The following AP3B1 variants were observed in gnomAD, a reference collection of about 807,000 sequenced individuals.
The protein encoded by AP3B1 is adaptor related protein complex 3 subunit beta 1.
AP3B1 carries 61 observed loss-of-function variants against 132.5 expected under a neutral mutation model. The ratio of observed to expected loss-of-function variants is 0.46; its 90% CI spans 0.37 to 0.57. The LOEUF is 0.57. Ranked by LOEUF, AP3B1 falls within the 20% of genes least tolerant of loss-of-function variation. AP3B1 has a pLI of 0.00. For missense variants in AP3B1, 1,120 were observed against 1,289.4 expected (o/e 0.87, Z 2.01); for synonymous variants, 388 against 438.3 (o/e 0.89, Z 1.43).
At chr5:78,259,567 G>A (rs572883800) in intron 2 of AP3B1, among the ~76,000 whole-genome samples, 1 of 152,188 alleles carries the variant, frequency 6.6e-6, no homozygotes, top group South Asian at 2.1e-4. Context: ...TAAGGAGATG[G>A]ATATCCCATT....
intron 2 of AP3B1, among the ~76,000 whole-genome samples, chr5:78,259,220 A>C (rs1747977332): frequency 6.6e-6 from 1 of 151,088 alleles, no homozygotes; most frequent in African/African-American, 2.4e-5. Context: ...TGCACTCCAG[A>C]CTGGTGACAG....
intron 3 of AP3B1, among the ~76,000 whole-genome samples, chr5:78,229,837 A>C (rs1179137800): frequency 6.6e-6 from 1 of 152,192 alleles, no homozygotes; most frequent in Non-Finnish European, 1.5e-5. Context: ...TTGGTGCTGG[A>C]AATATAAAAA....
intron 7 of AP3B1, among the ~76,000 whole-genome samples, chr5:78,197,095 T>C (rs1226927434): frequency 6.6e-6 from 1 of 152,190 alleles, no homozygotes; most frequent in East Asian, 1.9e-4. Context: ...ATGTTTTGCA[T>C]GTGTGGAGGT....
intron 23 of AP3B1, among the ~76,000 whole-genome samples, chr5:78,035,431 C>T (rs1747769054): frequency 6.6e-6 from 1 of 152,038 alleles, no homozygotes; most frequent in Non-Finnish European, 1.5e-5. Flanking sequence ...AAGCACACTT[C>T]TAATTCAATA....
rs74372041 is a variant in AP3B1 at position 78,188,597 on chromosome 5, G to A, written c.787-6935C>T. Among the ~76,000 whole-genome samples, 50 of 152,220 alleles carry A rather than the reference G, an allele frequency of 3.3e-4. No homozygotes were observed. In the East Asian group the frequency reaches 4.4e-3, roughly 14 times the overall value. ...AAAAAACAGACGCTGGCCAGGCTGC[G>A]GAGAAATAGGAATGCTTTTACACTG... On this transcript the variant is annotated intron_variant, in intron 7 of 26. Transcript: ENST00000255194.
At chr5:78,119,249 G>A (rs1752031167) in intron 17 of AP3B1, among the ~76,000 whole-genome samples, 1 of 152,138 alleles carries the variant, frequency 6.6e-6, no homozygotes, top group African/African-American at 2.4e-5. Context: ...AAAAAACAGA[G>A]CAGAGAAACT....
chr5:78,140,778 T>C (rs1024706119), intron 15 of AP3B1, among the ~76,000 whole-genome samples: 1 of 152,242 alleles, frequency 6.6e-6, no homozygotes, highest in Non-Finnish European at 1.5e-5. Context: ...ACTCTGACCC[T>C]GTGCTTTCCT....
chr5:78,041,049 T>C (rs1351751132), intron 22 of AP3B1, among the ~76,000 whole-genome samples: 3 of 151,498 alleles, frequency 2.0e-5, no homozygotes, highest in Non-Finnish European at 2.9e-5. Flanking sequence ...CCGAGGTGGG[T>C]GGATCACCTG....
chr5:78,128,661 C>T lies in AP3B1; in HGVS notation c.1837+460G>A, dbSNP rs375928905. Among the ~76,000 whole-genome samples, 100 of 152,124 alleles carry T rather than the reference C, an allele frequency of 6.6e-4. No homozygotes were observed. The East Asian group carries it at 7.7e-3, about 12-fold the overall frequency. ...TTACTCCTTTTAAAAAGCTGGGACA[C>T]GTAAGTCAACTTCCCTCTTTGAAAA... On this transcript the variant is annotated intron_variant, in intron 16 of 26. Transcript: ENST00000255194.
intron 11 of AP3B1, among the ~76,000 whole-genome samples, chr5:78,169,020 A>G (rs1221600929): frequency 6.6e-6 from 1 of 152,178 alleles, no homozygotes; most frequent in Non-Finnish European, 1.5e-5. Context: ...ACAGTCTTGA[A>G]TAGTCCATAG....
At chr5:78,111,676 G>C (rs1021498729) in intron 19 of AP3B1, among the ~76,000 whole-genome samples, 1 of 152,114 alleles carries the variant, frequency 6.6e-6, no homozygotes, top group Non-Finnish European at 1.5e-5. Context: ...TCTCTCAGGG[G>C]ATGACAAATG....
intron 3 of AP3B1, among the ~76,000 whole-genome samples, chr5:78,231,508 G>A (rs1207132404): frequency 6.6e-6 from 1 of 151,888 alleles, no homozygotes; most frequent in African/African-American, 2.4e-5. Flanking sequence ...AGTATGCATT[G>A]TATGATCTCA....
intron 6 of AP3B1, among the ~76,000 whole-genome samples, chr5:78,224,343 C>T (rs894234049): frequency 6.6e-6 from 1 of 151,188 alleles, no homozygotes; most frequent in South Asian, 2.1e-4. Context: ...ATGTATAAGA[C>T]AATATTTTCA....
At chr5:78,102,791 C>T (rs1751182290) in intron 20 of AP3B1, among the ~76,000 whole-genome samples, 1 of 152,064 alleles carries the variant, frequency 6.6e-6, no homozygotes, top group African/African-American at 2.4e-5. Flanking sequence ...AGAAACCTAT[C>T]AAATCAAGAT....
At chr5:78,232,718 T>TC (rs1746698566) in intron 3 of AP3B1, among the ~76,000 whole-genome samples, 2 of 152,244 alleles carry the variant, frequency 1.3e-5, no homozygotes, top group South Asian at 4.1e-4. Flanking sequence ...TTTCTTTCTT[T>TC]TTTTTTTAGA....
intron 22 of AP3B1, among the ~76,000 whole-genome samples, chr5:78,061,827 C>G (rs1305699672): frequency 6.6e-6 from 1 of 152,196 alleles, no homozygotes; most frequent in South Asian, 2.1e-4. Context: ...GTCCATCCAG[C>G]CTTTCCACCC....
chr5:78,144,392 T>G (rs1561437034), intron 14 of AP3B1, among the ~76,000 whole-genome samples: 4 of 152,204 alleles, frequency 2.6e-5, no homozygotes, highest in South Asian at 2.1e-4. Context: ...TAGAAAGATT[T>G]TGCAGATCAC....
At chr5:78,007,219 C>G (rs1383384561) in intron 26 of AP3B1, among the ~76,000 whole-genome samples, 1 of 152,164 alleles carries the variant, frequency 6.6e-6, no homozygotes, top group East Asian at 1.9e-4. Flanking sequence ...AAGTATTTAT[C>G]TGAGAGGCTG....
chr5:78,049,566 A>C (rs1317202245), intron 22 of AP3B1, among the ~76,000 whole-genome samples: 1 of 152,192 alleles, frequency 6.6e-6, no homozygotes, highest in East Asian at 1.9e-4. Flanking sequence ...AGAAGAACAC[A>C]AAAGTCATAG....
Sources: allele counts gnomAD v4.1 joint callset (sites outside exome capture counted in the v4.1 genomes callset), GRCh38; gene constraint gnomAD v4.1.1; transcripts MANE v1.5; gene names NCBI Gene and HGNC (gene_info 2026-07-23, HGNC 2026-07-21).